Variants in MED13L observed in about 807,000 individuals in gnomAD.
MED13L encodes the protein mediator of RNA polymerase II transcription subunit 13-like.
A neutral mutation model predicts 220.9 loss-of-function variants in MED13L; 7 were observed. That is an observed-to-expected ratio of 0.03 (90% CI 0.02 to 0.06). MED13L has a LOEUF of 0.06. MED13L is among the 10% of genes least tolerant of loss of function. The pLI, the probability that MED13L is intolerant of heterozygous loss-of-function variation, is 1.00. For missense variants in MED13L, 1,965 were observed against 2,760.5 expected (o/e 0.71, Z 6.46); for synonymous variants, 1,011 against 1,015.2 (o/e 1.00, Z 0.08).
rs1377051104 is a variant in MED13L, at chr12:115,997,166, A to T, written c.2634T>A (p.Ser878=). The T allele has an allele frequency of 6.2e-7, 1 of 1,614,118 alleles. No individual in the cohort carries two copies. The highest frequency in any genetic ancestry group is 8.5e-7 in the Non-Finnish European group (1 of 1,179,992). ...PPSLEQHPAF[S]PVMNYKDGIS... is the part of the protein sequence containing the mutation. ...TCCCATCTTTATAATTCATCACAGG[A>T]GAAAATGCAGGATGCTGTTCCAAAG... Residue 878 remains serine, a synonymous_variant, in exon 15 of 31, where the codon TCT becomes TCA. Transcript: ENST00000281928.
chr12:116,237,770 T>C, intron 1 of MED13L, 65 bp from the exon 2 acceptor site: 2 of 1,360,550 alleles, frequency 1.5e-6, no homozygotes, highest in Admixed American at 1.7e-5. Flanking sequence ...AAAACAGTCT[T>C]CCATACAGAA....
intron 1 of MED13L, among the ~76,000 whole-genome samples, chr12:116,258,577 G>C (rs1217984528): frequency 1.3e-5 from 2 of 152,064 alleles, no homozygotes; most frequent in Non-Finnish European, 2.9e-5. Flanking sequence ...AGGAGTTCGA[G>C]ACCAGCCTGG....
chr12:116,031,673 GAAAAA>G (rs1199876022), intron 4 of MED13L, among the ~76,000 whole-genome samples: 4,394 of 84,368 alleles, frequency 0.052, 410 homozygotes, highest in Non-Finnish European at 0.077. Context: ...CGGGAGAAAA[GAAAAA>G]AGAAAAGAAA....
intron 1 of MED13L, among the ~76,000 whole-genome samples, chr12:116,274,382 T>C (rs1873639389): frequency 7.8e-6 from 1 of 127,916 alleles, no homozygotes; most frequent in Admixed American, 8.6e-5. Context: ...AGTATCTAGG[T>C]AAATTCTTTA....
At position 115,991,945 on chromosome 12, in the gene MED13L, A is replaced by G. The variant is rs1878089064; in HGVS notation, c.3009T>C (p.Ser1003=). The G allele has an allele frequency of 6.3e-7, 1 of 1,599,390 alleles. No homozygotes were observed. The highest frequency in any genetic ancestry group is 1.7e-5 in the Admixed American group (1 of 59,958). ...FIRDGYNNVP[S]VGSLADPDYL... is the part of the protein sequence containing the mutation. ...AGTCTGGATCTGCTAGGCTCCCAAC[A>G]CTAGGCACGTTACTACAAAAAGAGA... The change falls in exon 17 of 31, where the codon AGT becomes AGC. Residue 1003 remains serine (S), a synonymous_variant. Transcript: ENST00000281928. The surrounding 1 kb of genome is among the most constrained non-coding windows in gnomAD (Gnocchi z 7.7).
At chr12:115,982,849 C>T (rs1315825057) in intron 21 of MED13L, among the ~76,000 whole-genome samples, 1 of 152,132 alleles carries the variant, frequency 6.6e-6, no homozygotes, top group Non-Finnish European at 1.5e-5. Flanking sequence ...CCTTTCTTTT[C>T]TGTGGTTATG....
chr12:116,185,206 A>C (rs1301417717), intron 2 of MED13L, among the ~76,000 whole-genome samples: 1 of 152,196 alleles, frequency 6.6e-6, no homozygotes, highest in East Asian at 1.9e-4. Flanking sequence ...ATCTTTACTC[A>C]CCTACAAAGT....
chr12:116,246,292 T>C (rs1593204969), intron 1 of MED13L, among the ~76,000 whole-genome samples: 1 of 150,420 alleles, frequency 6.6e-6, no homozygotes, highest in East Asian at 2.0e-4. Context: ...AGTCTGAAGA[T>C]TCAGGAAACA....
Position 115,991,680 on chromosome 12 carries a change from G to C in MED13L, c.3274C>G (p.Leu1092Val). 1 of 1,614,074 alleles carries C rather than the reference G, an allele frequency of 6.2e-7. No homozygotes were observed. The highest frequency in any genetic ancestry group is 8.5e-7 in the Non-Finnish European group (1 of 1,180,000). Reference protein sequence around the residue: ...PASTPSTTRPLNSVEPATMQP... With the variant: ...PASTPSTTRPVNSVEPATMQP... ...ATGGTGGCGGGCTCCACAGAGTTGA[G>C]GGGCCGTGTAGTAGAGGGGGTGGAG... is the stretch of plus-strand genomic sequence containing the variant. The change falls in exon 17 of 31, where the codon CTC becomes GTC. Residue 1092 changes from leucine to valine, a missense_variant. This residue lies in a region of MED13L where 233 missense variants were observed against 306.2 expected (regional missense o/e 0.76). Coordinates refer to ENST00000281928, the MANE Select transcript of MED13L (RefSeq NM_015335.5). This position sits in a 1 kb window ranked among gnomAD's most constrained non-coding sequence, Gnocchi z 7.7.
chr12:116,045,633 A>G (rs927397796), intron 4 of MED13L, among the ~76,000 whole-genome samples: 19 of 152,172 alleles, frequency 1.2e-4, no homozygotes, highest in Non-Finnish European at 2.4e-4. Flanking sequence ...GCTCTGCTAT[A>G]AACCTCATAT....
At chr12:116,229,040 GTGCT>G (rs1869284565) in intron 2 of MED13L, among the ~76,000 whole-genome samples, 1 of 151,948 alleles carries the variant, frequency 6.6e-6, no homozygotes, top group Non-Finnish European at 1.5e-5. Flanking sequence ...GCCTCCCATA[GTGCT>G]GGGATTACAG....
intron 2 of MED13L, among the ~76,000 whole-genome samples, chr12:116,227,184 T>C (rs1329094901): frequency 2.6e-5 from 4 of 152,202 alleles, no homozygotes; most frequent in Admixed American, 2.0e-4. Context: ...GGTAGCCTTC[T>C]GCTTCACCAA....
At chr12:116,238,895 G>A (rs1322131890) in intron 1 of MED13L, among the ~76,000 whole-genome samples, 1 of 152,156 alleles carries the variant, frequency 6.6e-6, no homozygotes, top group Non-Finnish European at 1.5e-5. Context: ...AGGAGTTCGA[G>A]ACCAGCCTGA....
rs756496734 is a variant in MED13L at position 115,991,701 on chromosome 12, T to C, written c.3253A>G (p.Thr1085Ala). The change falls in exon 17 of 31, where the codon ACC becomes GCC. Residue 1085 changes from threonine to alanine, a missense_variant. By Grantham distance (58) the Thr-to-Ala change is moderately conservative. This residue lies in a region of MED13L where 233 missense variants were observed against 306.2 expected (regional missense o/e 0.76). Coordinates refer to ENST00000281928, the MANE Select transcript of MED13L (RefSeq NM_015335.5). The surrounding 1 kb of genome is among the most constrained non-coding windows in gnomAD (Gnocchi z 7.7). Reference protein sequence around the residue: ...DSTDQGSPASTPSTTRPLNSV... With the variant: ...DSTDQGSPASAPSTTRPLNSV... ...TTGAGGGGCCGTGTAGTAGAGGGGG[T>C]GGAGGCTGGTGATCCTTGATCGGTG... 4 of 1,612,746 alleles carry C rather than the reference T, an allele frequency of 2.5e-6. No individual in the cohort carries two copies.
At chr12:116,134,238 G>C (rs1876326635) in intron 2 of MED13L, among the ~76,000 whole-genome samples, 1 of 152,128 alleles carries the variant, frequency 6.6e-6, no homozygotes, top group African/African-American at 2.4e-5. Context: ...ACATAATCTG[G>C]ATGATTAGTG....
chr12:116,266,432 C>T (rs755868381), intron 1 of MED13L, among the ~76,000 whole-genome samples: 1 of 152,208 alleles, frequency 6.6e-6, no homozygotes, highest in Non-Finnish European at 1.5e-5. Flanking sequence ...AACTGCTGCT[C>T]TTCCCACAGG....
chr12:116,064,431 C>T (rs1441545879), intron 4 of MED13L, among the ~76,000 whole-genome samples: 1 of 151,946 alleles, frequency 6.6e-6, no homozygotes, highest in Non-Finnish European at 1.5e-5. Context: ...GAGGCAGAAC[C>T]CACCGATATG....
At chr12:116,056,091 G>C (rs970724722) in intron 4 of MED13L, among the ~76,000 whole-genome samples, 6 of 145,896 alleles carry the variant, frequency 4.1e-5, no homozygotes, top group African/African-American at 1.5e-4. Context: ...GCAGCCCAAA[G>C]GTAAGTTTGT....
chr12:116,153,649 A>G (rs2138102383), intron 2 of MED13L, among the ~76,000 whole-genome samples: 1 of 152,336 alleles, frequency 6.6e-6, no homozygotes, highest in Non-Finnish European at 1.5e-5. Context: ...ACAGGAAGTA[A>G]ATGATTCCTT....
Sources: allele counts gnomAD v4.1 joint callset (sites outside exome capture counted in the v4.1 genomes callset), GRCh38; gene constraint gnomAD v4.1.1; regional missense constraint gnomAD v4.1.1; non-coding constraint Gnocchi (gnomAD v3.1); transcripts MANE v1.5; gene names NCBI Gene and HGNC (gene_info 2026-07-23, HGNC 2026-07-21).